The following ZZZ3 variants were observed in gnomAD, a reference collection of about 807,000 sequenced individuals.
ZZZ3 encodes ZZ-type zinc finger-containing protein 3.
In ZZZ3, 22 loss-of-function variants were observed where a neutral mutation model predicts 95.2. That is an observed-to-expected ratio of 0.23 (90% CI 0.17 to 0.33). The LOEUF (loss-of-function observed/expected upper bound fraction) is 0.33, where lower values mean the gene tolerates loss of function less well. ZZZ3 is among the 10% of genes least tolerant of loss of function. ZZZ3 has a pLI of 1.00. For missense variants in ZZZ3, 885 were observed against 1,066.5 expected (o/e 0.83, Z 2.37); for synonymous variants, 335 against 358.9 (o/e 0.93, Z 0.75).
rs191328388 is a variant in ZZZ3 at position 77,676,691 on chromosome 1, G to A, written c.-403+5894C>T. The stretch of plus-strand genomic sequence containing the variant: ...ACAAACACCACAATAAGAAAGCCAA[G>A]GCAAAAGATATTAAACATATCACAG... On this transcript the variant is annotated intron_variant, in intron 1 of 14. Coordinates refer to ENST00000370801, the MANE Select transcript of ZZZ3 (RefSeq NM_015534.6). 2.9e-3 allele frequency among the ~76,000 whole-genome samples: 446 copies of A among 151,796 alleles called. 8 individuals are homozygous for A. Among genetic ancestry groups the A allele is most frequent in the Non-Finnish European group, 9.6e-4 (65 of 67,936 alleles).
At chr1:77,663,524 A>G (rs1232401300) in intron 1 of ZZZ3, among the ~76,000 whole-genome samples, 1 of 152,140 alleles carries the variant, frequency 6.6e-6, no homozygotes, top group African/African-American at 2.4e-5. Context: ...CTCTTGACAT[A>G]TCTATCTTTT....
intron 1 of ZZZ3, among the ~76,000 whole-genome samples, chr1:77,658,813 T>C (rs1196301322): frequency 6.6e-6 from 1 of 152,226 alleles, no homozygotes; most frequent in Non-Finnish European, 1.5e-5. Context: ...TATGTCTGCA[T>C]TTGATTATTA....
intron 1 of ZZZ3, among the ~76,000 whole-genome samples, chr1:77,654,104 C>T (rs560959707): frequency 1.4e-5 from 2 of 145,260 alleles, no homozygotes; most frequent in East Asian, 2.1e-4. Flanking sequence ...AGGGGAATGG[C>T]GTGAACCCAG....
intron 6 of ZZZ3, among the ~76,000 whole-genome samples, chr1:77,584,111 G>A (rs1009954231): frequency 3.3e-5 from 5 of 152,208 alleles, no homozygotes; most frequent in Middle Eastern, 3.4e-3. Context: ...AATGCACAAA[G>A]GTACTAGTGT....
At chr1:77,607,839 G>C (rs923294154) in intron 5 of ZZZ3, among the ~76,000 whole-genome samples, 1 of 150,238 alleles carries the variant, frequency 6.7e-6, no homozygotes, top group African/African-American at 2.4e-5. Context: ...AGAATTGCTT[G>C]AATCTGGGAG....
chr1:77,618,520 A>T (rs1379401554), intron 5 of ZZZ3, among the ~76,000 whole-genome samples: 1 of 152,198 alleles, frequency 6.6e-6, no homozygotes, highest in East Asian at 1.9e-4. Context: ...GTACTGTACA[A>T]AGACAAGCAG....
At chr1:77,577,502 T>G (rs932037980) in intron 11 of ZZZ3, among the ~76,000 whole-genome samples, 1 of 152,166 alleles carries the variant, frequency 6.6e-6, no homozygotes, top group Admixed American at 6.6e-5. Flanking sequence ...TAAAACAAGC[T>G]TCCAAAGCTC....
chr1:77,582,664 TTTTTTC>T (rs1321281330), intron 6 of ZZZ3, among the ~76,000 whole-genome samples: 1 of 86,138 alleles, frequency 1.2e-5, no homozygotes, highest in East Asian at 3.5e-4. Flanking sequence ...TCATGGTAAT[TTTTTTC>T]TTTTTTTTTT....
intron 1 of ZZZ3, among the ~76,000 whole-genome samples, chr1:77,671,681 C>A (rs1207941448): frequency 2.6e-5 from 4 of 152,080 alleles, no homozygotes; most frequent in African/African-American, 9.7e-5. Flanking sequence ...GAGTATCTAG[C>A]ATGTATCTGG....
intron 9 of ZZZ3, 84 bp from the exon 10 acceptor site, chr1:77,579,712 A>T: frequency 1.2e-6 from 1 of 831,742 alleles, no homozygotes; most frequent in South Asian, 1.7e-5. Context: ...TTCACATTTC[A>T]TTTCAAAATG....
intron 1 of ZZZ3, among the ~76,000 whole-genome samples, chr1:77,678,258 G>C (rs923875929): frequency 2.6e-5 from 4 of 152,110 alleles, no homozygotes; most frequent in African/African-American, 9.7e-5. Context: ...ATAGAGCCTT[G>C]TTTGGGAGTA....
intron 1 of ZZZ3, among the ~76,000 whole-genome samples, chr1:77,665,751 G>A (rs1237450557): frequency 6.6e-6 from 1 of 152,130 alleles, no homozygotes; most frequent in Non-Finnish European, 1.5e-5. Flanking sequence ...AAGTTTTAAA[G>A]TATTTGGGAA....
At chr1:77,580,171 GAAAT>G (rs1278230585) in intron 9 of ZZZ3, 1 of 152,304 alleles carries the variant, frequency 6.6e-6, no homozygotes, top group Non-Finnish European at 1.5e-5. Context: ...CTGGATGCTT[GAAAT>G]AAATAGATTT....
intron 1 of ZZZ3, among the ~76,000 whole-genome samples, chr1:77,656,429 G>A (rs1557767953): frequency 6.6e-6 from 1 of 151,992 alleles, no homozygotes; most frequent in Admixed American, 6.6e-5. Flanking sequence ...AATGGTTTCT[G>A]TCAACACAAC....
intron 5 of ZZZ3, among the ~76,000 whole-genome samples, chr1:77,628,743 A>G (rs1667534036): frequency 6.6e-6 from 1 of 152,256 alleles, no homozygotes; most frequent in Non-Finnish European, 1.5e-5. Context: ...TCCTGGCTCT[A>G]GACAAAGAAT....
chr1:77,678,658 T>C (rs1347475224), intron 1 of ZZZ3, among the ~76,000 whole-genome samples: 1 of 152,206 alleles, frequency 6.6e-6, no homozygotes, highest in Non-Finnish European at 1.5e-5. Flanking sequence ...TACTTTTTAA[T>C]AGTTCTTCCT....
intron 1 of ZZZ3, among the ~76,000 whole-genome samples, chr1:77,675,612 C>A (rs1489222519): frequency 1.3e-5 from 2 of 148,226 alleles, no homozygotes; most frequent in Admixed American, 6.7e-5. Flanking sequence ...TTTTTTTTTT[C>A]AAATATTTAT....
At chr1:77,618,804 G>A (rs1455043114) in intron 5 of ZZZ3, among the ~76,000 whole-genome samples, 1 of 152,070 alleles carries the variant, frequency 6.6e-6, no homozygotes, top group African/African-American at 2.4e-5. Context: ...AACTTGTATA[G>A]GAAATTTTAA....
chr1:77,579,771 G>GT (rs1662321255), intron 9 of ZZZ3, 143 bp from the exon 10 acceptor site: 1 of 478,884 alleles, frequency 2.1e-6, no homozygotes, highest in Admixed American at 4.2e-5. Flanking sequence ...AATCCTCATG[G>GT]TAGGAAAAAT....
Sources: gnomAD v4.1 joint callset for allele counts (sites outside exome capture counted in the v4.1 genomes callset) on GRCh38, gnomAD v4.1.1 for gene constraint, MANE v1.5 for transcripts, NCBI Gene and HGNC (gene_info 2026-07-23, HGNC 2026-07-21) for gene names.